DMD: variants seen among roughly 807,000 people sequenced by gnomAD.
DMD encodes the protein dystrophin.
In DMD, 63 loss-of-function variants were observed where a neutral mutation model predicts 330.1. The observed-to-expected ratio is 0.19, with a 90% confidence interval of 0.16 to 0.24. The LOEUF is 0.24. DMD is among the 10% of genes least tolerant of loss of function. DMD has a pLI of 1.00. For synonymous variants in DMD, 1,223 were observed against 959.8 expected (o/e 1.27, Z -5.07); for missense variants, 3,344 against 2,684.1 (o/e 1.25, Z -5.43).
At chrX:33,239,301 A>AAAAAT (rs2052546294) in intron 1 of DMD, among the ~76,000 whole-genome samples, 1 of 92,528 alleles carries the variant, frequency 1.1e-5, no homozygotes, top group African/African-American at 3.7e-5. Context: ...AAAAAAAAAA[A>AAAAAT]TGTCGAATGT....
At chrX:33,239,229 C>A (rs1294658018) in intron 1 of DMD, among the ~76,000 whole-genome samples, 1 of 97,749 alleles carries the variant, frequency 1.0e-5, no homozygotes, top group African/African-American at 3.9e-5. Context: ...TGCACTCCAG[C>A]CACCACTGAA....
At chrX:31,448,908 A>G (rs1198011361) in intron 59 of DMD, among the ~76,000 whole-genome samples, 2 of 112,492 alleles carry the variant, frequency 1.8e-5, no homozygotes, top group African/African-American at 6.5e-5. Flanking sequence ...ATAAAATTAA[A>G]TTGCCTGTCA....
At chrX:31,502,992 G>A (rs1269053621) in intron 56 of DMD, among the ~76,000 whole-genome samples, 3 of 111,378 alleles carry the variant, frequency 2.7e-5, no homozygotes, top group African/African-American at 3.3e-5. Flanking sequence ...TAATGTTTTC[G>A]TTTTGTTTGA....
At chrX:32,132,393 G>A (rs2096700347) in intron 44 of DMD, among the ~76,000 whole-genome samples, 1 of 111,625 alleles carries the variant, frequency 9.0e-6, no homozygotes, top group Non-Finnish European at 1.9e-5. Context: ...TAGTGAGGTA[G>A]GGAAGGAGGA....
At chrX:31,985,385 G>A (rs2095502433) in intron 44 of DMD, among the ~76,000 whole-genome samples, 1 of 112,249 alleles carries the variant, frequency 8.9e-6, no homozygotes, top group African/African-American at 3.2e-5. Context: ...AGAAGAAAAT[G>A]CTTTGAAACA....
intron 55 of DMD, among the ~76,000 whole-genome samples, chrX:31,587,216 C>G (rs12839742): frequency 5.9e-4 from 66 of 111,502 alleles, no homozygotes; most frequent in Non-Finnish European, 1.1e-3. Context: ...TCGAAGGAAA[C>G]ACAATTTCAA....
chrX:31,986,785 A>T (rs897469683), intron 44 of DMD, among the ~76,000 whole-genome samples: 1 of 112,384 alleles, frequency 8.9e-6, no homozygotes, highest in Middle Eastern at 4.6e-3. Context: ...AAAATGAAAA[A>T]CAAAGTGAAA....
chrX:32,367,945 T>C (rs1005078903), intron 34 of DMD, among the ~76,000 whole-genome samples: 17 of 112,127 alleles, frequency 1.5e-4, no homozygotes, highest in African/African-American at 5.2e-4. Flanking sequence ...CTTTTATGTA[T>C]GCTATTCAAC....
chrX:32,694,730 C>G (rs1348264919), intron 9 of DMD, among the ~76,000 whole-genome samples: 1 of 111,979 alleles, frequency 8.9e-6, no homozygotes, highest in African/African-American at 3.2e-5. Flanking sequence ...GATTTCAACT[C>G]ACTGCAACCT....
At position 31,873,653 on chromosome X, in the gene DMD, C is replaced by T. The variant is rs747773027; in HGVS notation, c.7098+1535G>A. On this transcript the variant is annotated intron_variant, in intron 48 of 78. Transcript: ENST00000357033. ...TTAATAGATTGTAATTTCAACGATTCGGTTTATTTGATTGGCTACTTAAAG... is the reference window on the plus strand; with the variant it reads ...TTAATAGATTGTAATTTCAACGATTTGGTTTATTTGATTGGCTACTTAAAG... Among the ~76,000 whole-genome samples the T allele has an allele frequency of 6.3e-5, 7 of 111,997 alleles. No individual in the cohort carries two copies. The South Asian group carries it at 1.8e-3, about 29-fold the overall frequency.
At chrX:32,798,540 A>G (rs2076333529) in intron 7 of DMD, among the ~76,000 whole-genome samples, 1 of 112,431 alleles carries the variant, frequency 8.9e-6, no homozygotes, top group South Asian at 3.6e-4. Context: ...CATCTGTATC[A>G]TACCTATTTG....
At chrX:32,767,508 T>A (rs2073127347) in intron 7 of DMD, among the ~76,000 whole-genome samples, 1 of 111,614 alleles carries the variant, frequency 9.0e-6, no homozygotes, top group Non-Finnish European at 1.9e-5. Context: ...TTCTGACGTT[T>A]ATATCCAATT....
At chrX:31,583,260 C>T (rs946358761) in intron 55 of DMD, among the ~76,000 whole-genome samples, 8 of 111,319 alleles carry the variant, frequency 7.2e-5, no homozygotes, top group Middle Eastern at 4.6e-3. Flanking sequence ...TAATTAGAGC[C>T]GTGGATGAAG....
intron 13 of DMD, among the ~76,000 whole-genome samples, chrX:32,581,355 C>T (rs761133566): frequency 8.0e-5 from 9 of 112,277 alleles, no homozygotes; most frequent in Non-Finnish European, 1.7e-4. Flanking sequence ...GACTCCTGCT[C>T]TGGTTACTAT....
At chrX:31,148,039 TAAC>T (rs1296435813) in intron 74 of DMD, among the ~76,000 whole-genome samples, 1 of 110,891 alleles carries the variant, frequency 9.0e-6, no homozygotes, top group African/African-American at 3.3e-5. Context: ...AAAGAAAAGT[TAAC>T]AGCCAAAGCA....
intron 55 of DMD, among the ~76,000 whole-genome samples, chrX:31,567,252 T>C (rs147295849): frequency 0.017 from 1,858 of 111,684 alleles, 36 homozygotes; most frequent in African/African-American, 0.053. Flanking sequence ...CAGAACTATG[T>C]TAAAAAAGAG....
At chrX:32,219,364 CAA>C (rs757443781) in intron 43 of DMD, among the ~76,000 whole-genome samples, 1 of 111,623 alleles carries the variant, frequency 9.0e-6, no homozygotes, top group East Asian at 2.8e-4. Flanking sequence ...TCACTGGAGT[CAA>C]AGAGTTGCTT....
chrX:32,510,208 T>G (rs1381698701), intron 18 of DMD, among the ~76,000 whole-genome samples: 3 of 111,915 alleles, frequency 2.7e-5, no homozygotes, highest in African/African-American at 9.8e-5. Flanking sequence ...CTTCTGCTGC[T>G]AAACATCGTG....
At chrX:31,379,732 G>A (rs2060062274) in intron 60 of DMD, among the ~76,000 whole-genome samples, 1 of 112,221 alleles carries the variant, frequency 8.9e-6, no homozygotes, top group East Asian at 2.8e-4. Flanking sequence ...CTGAACTGCA[G>A]CTGCGAGGGG....
Sources: gnomAD v4.1 joint callset for allele counts (sites outside exome capture counted in the v4.1 genomes callset) on GRCh38, gnomAD v4.1.1 for gene constraint, MANE v1.5 for transcripts, NCBI Gene and HGNC (gene_info 2026-07-23, HGNC 2026-07-21) for gene names.